Variants in GALNT14 observed in about 807,000 individuals in gnomAD.
GALNT14 encodes the protein polypeptide N-acetylgalactosaminyltransferase 14.
Under a neutral mutation model 77.5 loss-of-function variants are expected in GALNT14, and 60 were observed. That is an observed-to-expected ratio of 0.77 (90% CI 0.63 to 0.96). The LOEUF (loss-of-function observed/expected upper bound fraction) is 0.96, where lower values mean the gene tolerates loss of function less well. Among genes scored for constraint, GALNT14 ranks in the 40% least tolerant of loss-of-function variants. The pLI, the probability that GALNT14 is intolerant of heterozygous loss-of-function variation, is 0.00. For synonymous variants in GALNT14, 280 were observed against 281.7 expected (o/e 0.99, Z 0.06); for missense variants, 710 against 731.0 (o/e 0.97, Z 0.33).
intron 13 of GALNT14, among the ~76,000 whole-genome samples, chr2:30,920,838 G>C (rs1664988338): frequency 6.6e-6 from 1 of 152,194 alleles, no homozygotes; most frequent in Non-Finnish European, 1.5e-5. Context: ...CATCCCAGCA[G>C]GAATGGTCCC....
At chr2:31,050,655 G>A (rs1487621646) in intron 1 of GALNT14, among the ~76,000 whole-genome samples, 1 of 152,124 alleles carries the variant, frequency 6.6e-6, no homozygotes, top group Non-Finnish European at 1.5e-5. Flanking sequence ...GTGACCATGT[G>A]CTGCAGTAAC....
At chr2:30,985,378 C>T (rs1310168467) in intron 2 of GALNT14, among the ~76,000 whole-genome samples, 5 of 152,142 alleles carry the variant, frequency 3.3e-5, no homozygotes, top group Admixed American at 3.3e-4. Context: ...CCTGCAGGCT[C>T]AGGATTCAAG....
chr2:30,932,036 T>C, intron 10 of GALNT14, 32 bp downstream of exon 10: 1 of 1,466,888 alleles, frequency 6.8e-7, no homozygotes, highest in Non-Finnish European at 9.1e-7. Context: ...CCTGTGCTGC[T>C]GCCCACCCGC....
At chr2:31,134,323 T>C (rs1272157288) in intron 1 of GALNT14, among the ~76,000 whole-genome samples, 1 of 152,186 alleles carries the variant, frequency 6.6e-6, no homozygotes, top group Non-Finnish European at 1.5e-5. Flanking sequence ...CCCTCACCCA[T>C]GCTGGGAAGA....
intron 13 of GALNT14, among the ~76,000 whole-genome samples, chr2:30,922,167 G>A (rs544086278): frequency 6.6e-6 from 1 of 152,168 alleles, no homozygotes; most frequent in South Asian, 2.1e-4. Context: ...GCTATCTGTT[G>A]TCTTGAGTCA....
At chr2:30,895,364 C>T in the GALNT14 span, among the ~76,000 whole-genome samples, 2 of 152,072 alleles carry the variant, frequency 1.3e-5, no homozygotes, top group Non-Finnish European at 2.9e-5. Flanking sequence ...CAGAAGGACA[C>T]GGAGACACAA....
At chr2:31,108,583 C>G (rs1292643387) in intron 1 of GALNT14, among the ~76,000 whole-genome samples, 1 of 152,194 alleles carries the variant, frequency 6.6e-6, no homozygotes, top group Non-Finnish European at 1.5e-5. Context: ...AAAGGTAACA[C>G]TGGTTGGAGC....
intron 2 of GALNT14, among the ~76,000 whole-genome samples, chr2:30,987,700 TCCTCCTCCCTCCC>T (rs1401085232): frequency 2.3e-5 from 2 of 86,350 alleles, no homozygotes; most frequent in African/African-American, 5.9e-5. Flanking sequence ...TCTACAGCCT[TCCTCCTCCCTCCC>T]CCTCCTCCCC....
At chr2:30,975,432 G>C (rs1245229183) in intron 2 of GALNT14, among the ~76,000 whole-genome samples, 3 of 152,176 alleles carry the variant, frequency 2.0e-5, no homozygotes, top group Non-Finnish European at 4.4e-5. Context: ...ATGGAGATAT[G>C]CTGTAAATGT....
chr2:31,053,919 C>T (rs928737770), intron 1 of GALNT14, among the ~76,000 whole-genome samples: 5 of 152,234 alleles, frequency 3.3e-5, no homozygotes, highest in Non-Finnish European at 5.9e-5. Flanking sequence ...AGATCTTACA[C>T]ACCCTTGAGC....
chr2:31,037,567 T>G (rs189709041), intron 1 of GALNT14, among the ~76,000 whole-genome samples: 1 of 152,196 alleles, frequency 6.6e-6, no homozygotes, highest in African/African-American at 2.4e-5. Context: ...CTTTTGCATA[T>G]CTCTTAATCT....
chr2:31,046,748 G>A (rs1473751710), intron 1 of GALNT14, among the ~76,000 whole-genome samples: 1 of 152,108 alleles, frequency 6.6e-6, no homozygotes, highest in Non-Finnish European at 1.5e-5. Context: ...GGAACCTACA[G>A]TATTTTTTTT....
At position 31,090,550 on chromosome 2, in the gene GALNT14, T is replaced by A. The variant is rs369449901; in HGVS notation, c.129+47408A>T. On this transcript the variant is annotated intron_variant, in intron 1 of 14. Transcript: ENST00000349752. ...TGTTGCCCAGGCTGGAGTGCAATGATGTGGTCTCGACTCACTATAGCCTCC... is the reference window on the plus strand; with the variant it reads ...TGTTGCCCAGGCTGGAGTGCAATGAAGTGGTCTCGACTCACTATAGCCTCC... Among the ~76,000 whole-genome samples the A allele has an allele frequency of 6.1e-5, 9 of 146,368 alleles. No homozygotes were observed. In the East Asian group the frequency reaches 8.1e-4, roughly 13 times the overall value.
intron 1 of GALNT14, chr2:31,125,346 ACT>A: frequency 1.1e-6 from 1 of 912,104 alleles, no homozygotes; most frequent in Non-Finnish European, 1.7e-6. Context: ...CCTCACAAAG[ACT>A]CTGTGCCCAT....
chr2:31,029,853 A>G (rs996915517), intron 1 of GALNT14, among the ~76,000 whole-genome samples: 1 of 152,194 alleles, frequency 6.6e-6, no homozygotes, highest in Non-Finnish European at 1.5e-5. Context: ...TATTTTGTAT[A>G]TTTGTTACAA....
intron 9 of GALNT14, among the ~76,000 whole-genome samples, chr2:30,941,732 T>C (rs1310720391): frequency 6.6e-6 from 1 of 152,220 alleles, no homozygotes; most frequent in Non-Finnish European, 1.5e-5. Context: ...AACTGAGTGC[T>C]GCAATCAAAG....
intron 3 of GALNT14, among the ~76,000 whole-genome samples, chr2:30,962,852 G>A (rs893422752): frequency 6.6e-6 from 1 of 152,166 alleles, no homozygotes; most frequent in Non-Finnish European, 1.5e-5. Context: ...TCTGAGACAG[G>A]ACATGTCCTT....
At chr2:30,896,645 T>A in the GALNT14 span, among the ~76,000 whole-genome samples, 3 of 152,124 alleles carry the variant, frequency 2.0e-5, no homozygotes, top group African/African-American at 7.2e-5. Flanking sequence ...AGTATTTCTC[T>A]TGTGTGTGTG....
chr2:31,129,400 C>T (rs547362427), intron 1 of GALNT14: 2 of 985,446 alleles, frequency 2.0e-6, no homozygotes, highest in Non-Finnish European at 2.4e-6. Context: ...CTGATTCACC[C>T]TTTAATTAGT....
Sources: allele counts gnomAD v4.1 joint callset (sites outside exome capture counted in the v4.1 genomes callset), GRCh38; gene constraint gnomAD v4.1.1; transcripts MANE v1.5; gene names NCBI Gene and HGNC (gene_info 2026-07-23, HGNC 2026-07-21).